Variants in NXNL2 observed in about 807,000 individuals in gnomAD.
The protein encoded by NXNL2 is nucleoredoxin like 2.
In NXNL2, 7 loss-of-function variants were observed where a neutral mutation model predicts 11.1. The ratio of observed to expected loss-of-function variants is 0.63; its 90% CI spans 0.36 to 1.18. The LOEUF (loss-of-function observed/expected upper bound fraction) is 1.18, where lower values mean the gene tolerates loss of function less well. NXNL2 is among the 50% of genes most tolerant of loss of function. The probability of loss-of-function intolerance (pLI) is 0.02; values close to 1 mark genes in which losing one functional copy is unlikely to be tolerated. For synonymous variants in NXNL2, 109 were observed against 101.8 expected (o/e 1.07, Z -0.42); for missense variants, 233 against 217.7 (o/e 1.07, Z -0.44).
At chr9:88,558,634 T>C (rs1433010558) in intron 1 of NXNL2, among the ~76,000 whole-genome samples, 3 of 152,026 alleles carry the variant, frequency 2.0e-5, no homozygotes, top group African/African-American at 7.2e-5. Context: ...GTGGGACTGA[T>C]CCCTTAACCT....
At chr9:88,552,368 T>C (rs900204576) in intron 1 of NXNL2, among the ~76,000 whole-genome samples, 2 of 152,200 alleles carry the variant, frequency 1.3e-5, no homozygotes, top group African/African-American at 4.8e-5. Context: ...GAAAAGTTAA[T>C]TTTATGTTTG....
At chr9:88,556,981 T>C (rs1830021893) in intron 1 of NXNL2, among the ~76,000 whole-genome samples, 2 of 147,048 alleles carry the variant, frequency 1.4e-5, no homozygotes, top group African/African-American at 5.0e-5. Context: ...CTCAGGAGGC[T>C]GAGACAGGAG....
At chr9:88,547,092 C>T (rs1382014466), downstream of NXNL2, among the ~76,000 whole-genome samples, 2 of 152,234 alleles carry the variant, frequency 1.3e-5, no homozygotes, top group African/African-American at 4.8e-5. Context: ...CATCGTGACC[C>T]AGCCCAGGCC....
At chr9:88,567,660 C>G (rs1830196341) in intron 1 of NXNL2, among the ~76,000 whole-genome samples, 1 of 152,132 alleles carries the variant, frequency 6.6e-6, no homozygotes, top group South Asian at 2.1e-4. Context: ...AACAGTGTGC[C>G]AGTTGTCCCA....
chr9:88,577,377 T>C (rs1830360775), downstream of NXNL2, among the ~76,000 whole-genome samples: 1 of 151,936 alleles, frequency 6.6e-6, no homozygotes, highest in African/African-American at 2.4e-5. Flanking sequence ...GCACAGACAA[T>C]GGACACGGTG....
chr9:88,567,675 G>GACTT (rs1326960274), intron 1 of NXNL2, among the ~76,000 whole-genome samples: 1 of 152,136 alleles, frequency 6.6e-6, no homozygotes, highest in Non-Finnish European at 1.5e-5. Context: ...GTCCCATTCT[G>GACTT]ACTTAGGGAA....
At chr9:88,548,913 C>A (rs1167238871), downstream of NXNL2, among the ~76,000 whole-genome samples, 2 of 152,024 alleles carry the variant, frequency 1.3e-5, no homozygotes, top group African/African-American at 4.8e-5. Flanking sequence ...CTAGGAGAGA[C>A]CCTTACCCCT....
chr9:88,540,149 G>A (rs1028817755), intron 1 of NXNL2, among the ~76,000 whole-genome samples: 10 of 151,916 alleles, frequency 6.6e-5, no homozygotes, highest in South Asian at 2.1e-4. Flanking sequence ...TGGCTAACAC[G>A]GTGAAACCCT....
chr9:88,557,865 C>G (rs893004008), intron 1 of NXNL2, among the ~76,000 whole-genome samples: 3 of 152,148 alleles, frequency 2.0e-5, no homozygotes, highest in Non-Finnish European at 2.9e-5. Context: ...AATGAGGGGC[C>G]TTTGCTCTCT....
chr9:88,569,612 C>T (rs1389972223), intron 1 of NXNL2, among the ~76,000 whole-genome samples: 2 of 152,086 alleles, frequency 1.3e-5, no homozygotes, highest in Non-Finnish European at 1.5e-5. Context: ...TTAAGATATG[C>T]TTTGTATCAT....
chr9:88,559,225 T>C lies in NXNL2; in HGVS notation c.303-11862T>C, dbSNP rs559371980. ...GCCTTTTCTCTGTTGGGATGGCATG[T>C]GCTCAGGCCCGGGAGGAGGCCTGCT... On this transcript the variant is annotated intron_variant, in intron 1 of 2. Coordinates refer to the NXNL2 transcript ENST00000375855. 2.5e-3 allele frequency among the ~76,000 whole-genome samples: 377 copies of C among 152,260 alleles called. 2 individuals are homozygous for C. Among genetic ancestry groups the C allele is most frequent in the African/African-American group, 8.8e-3 (364 of 41,538 alleles).
intron 2 of NXNL2, among the ~76,000 whole-genome samples, chr9:88,573,170 G>A (rs1057387783): frequency 6.6e-6 from 1 of 151,544 alleles, no homozygotes; most frequent in Non-Finnish European, 1.5e-5. Context: ...TTGAGACAAG[G>A]TCTTGCTCTG....
At chr9:88,554,968 C>T (rs1829990370) in intron 1 of NXNL2, among the ~76,000 whole-genome samples, 1 of 152,198 alleles carries the variant, frequency 6.6e-6, no homozygotes. Flanking sequence ...AGACCAGATA[C>T]CAGATCTACC....
At position 88,582,362 on chromosome 9, in the gene NXNL2, G is replaced by A. The variant is rs890580867; in HGVS notation, n.552-1637G>A. Among the ~76,000 whole-genome samples, 8 of 152,178 alleles carry A rather than the reference G, an allele frequency of 5.3e-5. No homozygotes were observed. In the South Asian group the frequency reaches 1.5e-3, roughly 28 times the overall value. ...CGGGCGCCTGTAGTCCCAGCTACTC[G>A]GGAGGCTGAGGCAGGAGAATGGTGT... On this transcript the variant is annotated intron_variant and non_coding_transcript_variant, in intron 1 of 1. Transcript: ENST00000478686.
chr9:88,561,740 C>G (rs1830088394), intron 1 of NXNL2, among the ~76,000 whole-genome samples: 1 of 152,122 alleles, frequency 6.6e-6, no homozygotes, highest in Non-Finnish European at 1.5e-5. Flanking sequence ...GGATTAGAAA[C>G]CAACCACACC....
chr9:88,539,068 A>G (rs1484754121), intron 1 of NXNL2, among the ~76,000 whole-genome samples: 1 of 152,070 alleles, frequency 6.6e-6, no homozygotes, highest in Non-Finnish European at 1.5e-5. Flanking sequence ...GCTGTCTCCT[A>G]CCTCCTCCCA....
downstream of NXNL2, among the ~76,000 whole-genome samples, chr9:88,547,540 T>C (rs149404863): frequency 6.6e-6 from 1 of 152,354 alleles, no homozygotes; most frequent in Non-Finnish European, 1.5e-5. Context: ...TGGGCTGGAC[T>C]GACTTAGGCC....
At chr9:88,537,241 A>G (rs73652587) in intron 1 of NXNL2, among the ~76,000 whole-genome samples, 1,535 of 152,282 alleles carry the variant, frequency 0.01, 28 homozygotes, top group African/African-American at 0.032. Context: ...TGAGGCATAG[A>G]GTTCAGTTCT....
chr9:88,563,487 C>T (rs1830115986), intron 1 of NXNL2, among the ~76,000 whole-genome samples: 1 of 152,242 alleles, frequency 6.6e-6, no homozygotes, highest in Admixed American at 6.5e-5. Context: ...TCCCACCCTC[C>T]TTGCGCCCCT....
Sources: gnomAD v4.1 joint callset for allele counts (sites outside exome capture counted in the v4.1 genomes callset) on GRCh38, gnomAD v4.1.1 for gene constraint, MANE v1.5 for transcripts, NCBI Gene and HGNC (gene_info 2026-07-23, HGNC 2026-07-21) for gene names.